The following ARHGAP8 variants were observed in gnomAD, a reference collection of about 807,000 sequenced individuals.
ARHGAP8 encodes rho GTPase-activating protein 8.
A neutral mutation model predicts 46.1 loss-of-function variants in ARHGAP8; 62 were observed. The ratio of observed to expected loss-of-function variants is 1.34; its 90% CI spans 1.10 to 1.66. The LOEUF is 1.66. ARHGAP8 is among the 40% of genes most tolerant of loss of function. ARHGAP8 has a pLI of 0.00. For missense variants in ARHGAP8, 923 were observed against 568.4 expected, an observed-to-expected ratio of 1.62 and a Z score of -6.34; for synonymous variants, 375 against 243.1, an observed-to-expected ratio of 1.54 and a Z score of -5.05.
In ARHGAP8 at chr22:44,852,476, CAT is replaced by C. The variant is rs940929116; in HGVS notation, c.877+3419_877+3420del. The stretch of plus-strand genomic sequence containing the variant: ...TTCTTAGATTCCTTCAGCTCAATAA[CAT>C]ATTCAGCATGCCCAGGCTCCATATT... On this transcript the variant is annotated intron_variant, in intron 10 of 11. Coordinates refer to ENST00000356099, the MANE Select transcript of ARHGAP8 (RefSeq NM_181335.3). Among the ~76,000 whole-genome samples the C allele has an allele frequency of 1.1e-4, 16 of 152,286 alleles. No individual in the cohort carries two copies. The East Asian group carries it at 1.5e-3, about 15-fold the overall frequency.
At chr22:44,783,162 G>A (rs1441962732) in intron 1 of ARHGAP8, among the ~76,000 whole-genome samples, 1 of 151,666 alleles carries the variant, frequency 6.6e-6, no homozygotes, top group Non-Finnish European at 1.5e-5. Context: ...GGCTGGTCTC[G>A]AACTCCTGAC....
chr22:44,845,390 C>T (rs1371138298), intron 8 of ARHGAP8, 48 bp downstream of exon 8: 6 of 1,611,646 alleles, frequency 3.7e-6, no homozygotes, highest in African/African-American at 1.3e-5. Flanking sequence ...CTGCTGGGTG[C>T]ACCTCTCTGG....
intron 1 of ARHGAP8, among the ~76,000 whole-genome samples, chr22:44,766,884 G>A (rs558950979): frequency 6.6e-6 from 1 of 152,262 alleles, no homozygotes; most frequent in South Asian, 2.1e-4. Flanking sequence ...CAGATGACAG[G>A]GGCTTTGGGG....
At chr22:44,765,601 C>G (rs1430530097) in intron 1 of ARHGAP8, among the ~76,000 whole-genome samples, 1 of 152,154 alleles carries the variant, frequency 6.6e-6, no homozygotes, top group African/African-American at 2.4e-5. Context: ...CTCCTCCCAT[C>G]ATCAAGCATC....
chr22:44,860,587 C>G (rs988735990), intron 11 of ARHGAP8, among the ~76,000 whole-genome samples: 8 of 151,956 alleles, frequency 5.3e-5, no homozygotes, highest in African/African-American at 1.9e-4. Context: ...CAAATAAGGT[C>G]ACAGTCAGAT....
intron 11 of ARHGAP8, among the ~76,000 whole-genome samples, chr22:44,861,179 C>G (rs114692993): frequency 0.025 from 3,857 of 152,162 alleles, 141 homozygotes; most frequent in African/African-American, 0.08. Flanking sequence ...GTCACATTGG[C>G]CAGGCTGATC....
rs189425310 is a variant in ARHGAP8 at position 44,800,530 on chromosome 22, A to G, written c.80-1547A>G. On this transcript the variant is annotated intron_variant, in intron 2 of 11. Coordinates refer to ENST00000356099, the MANE Select transcript of ARHGAP8 (RefSeq NM_181335.3). Reference sequence around the variant, plus strand: ...CCGCAGCTGTCCATATGTGGGGGGCACCCCTCCCCGCAGCTGTCCATGTGT... The same window carrying G: ...CCGCAGCTGTCCATATGTGGGGGGCGCCCCTCCCCGCAGCTGTCCATGTGT... Among the ~76,000 whole-genome samples, 483 of 118,544 alleles carry G rather than the reference A, an allele frequency of 4.1e-3. 2 individuals are homozygous for G. The highest frequency in any genetic ancestry group is 0.035 in the East Asian group (128 of 3,702). The allele number at this position is 118,544 out of a possible 152,430, so 77.8% of individuals were successfully genotyped here. A position where few individuals can be genotyped will look rare whatever the true frequency, so the allele number is the denominator to read the frequency against.
chr22:44,795,040 CA>C (rs36122461), intron 2 of ARHGAP8, among the ~76,000 whole-genome samples: 202 of 111,774 alleles, frequency 1.8e-3, no homozygotes, highest in Middle Eastern at 9.5e-3. Context: ...AACTCTGTCT[CA>C]AAAAAAAAAA....
At chr22:44,776,882 C>A (rs571394423) in intron 1 of ARHGAP8, among the ~76,000 whole-genome samples, 2 of 152,082 alleles carry the variant, frequency 1.3e-5, no homozygotes, top group African/African-American at 4.8e-5. Flanking sequence ...CTGTATCCCC[C>A]CTGCCTCAAG....
intron 1 of ARHGAP8, among the ~76,000 whole-genome samples, chr22:44,782,080 A>G (rs1303872230): frequency 1.3e-5 from 2 of 152,084 alleles, no homozygotes; most frequent in East Asian, 3.9e-4. Context: ...CACGCCTATA[A>G]TCCCAGCACT....
At chr22:44,800,540 G>T (rs891856389) in intron 2 of ARHGAP8, among the ~76,000 whole-genome samples, 1 of 149,478 alleles carries the variant, frequency 6.7e-6, no homozygotes, top group African/African-American at 2.5e-5. Context: ...ACCCCTCCCC[G>T]CAGCTGTCCA....
intron 10 of ARHGAP8, among the ~76,000 whole-genome samples, chr22:44,859,182 T>G (rs1310885889): frequency 1.3e-5 from 2 of 152,054 alleles, no homozygotes; most frequent in Non-Finnish European, 2.9e-5. Context: ...AGAATTCAGG[T>G]GATGATAGGG....
At chr22:44,861,213 C>G (rs997843244) in intron 11 of ARHGAP8, among the ~76,000 whole-genome samples, 9 of 152,242 alleles carry the variant, frequency 5.9e-5, no homozygotes, top group South Asian at 2.1e-4. Flanking sequence ...CTCAGGTGAT[C>G]CACCTGCCTC....
chr22:44,785,423 C>T (rs1215967062), intron 1 of ARHGAP8, among the ~76,000 whole-genome samples: 1 of 152,072 alleles, frequency 6.6e-6, no homozygotes, highest in African/African-American at 2.4e-5. Flanking sequence ...TTTTTTGCAT[C>T]TTCTGGTGGT....
chr22:44,754,015 G>A (rs1569128123), intron 1 of ARHGAP8, among the ~76,000 whole-genome samples: 1 of 152,218 alleles, frequency 6.6e-6, no homozygotes, highest in African/African-American at 2.4e-5. Context: ...CAACGCCAGA[G>A]TTGGGGGTAG....
At chr22:44,819,160 C>T (rs1433035591) in intron 5 of ARHGAP8, among the ~76,000 whole-genome samples, 1 of 152,194 alleles carries the variant, frequency 6.6e-6, no homozygotes, top group Non-Finnish European at 1.5e-5. Context: ...CCTCGAACTC[C>T]TGGACTCAGG....
chr22:44,786,175 G>T, intron 1 of ARHGAP8: 1 of 543,640 alleles, frequency 1.8e-6, no homozygotes, highest in Non-Finnish European at 3.3e-6. Context: ...GTGCATAATG[G>T]GTGCTCGGCT....
intron 7 of ARHGAP8, among the ~76,000 whole-genome samples, chr22:44,840,899 C>G (rs1416097684): frequency 6.6e-6 from 1 of 152,190 alleles, no homozygotes; most frequent in South Asian, 2.1e-4. Context: ...TGAGCCAGGC[C>G]TTTGGGGAGG....
chr22:44,825,643 C>A (rs1398971048), intron 7 of ARHGAP8, 50 bp downstream of exon 7: 1 of 1,560,458 alleles, frequency 6.4e-7, no homozygotes, highest in Non-Finnish European at 8.7e-7. Context: ...GCCCTGGGAG[C>A]TGTGGGGCGC....
Sources: gnomAD v4.1 joint callset for allele counts (sites outside exome capture counted in the v4.1 genomes callset) on GRCh38, gnomAD v4.1.1 for gene constraint, MANE v1.5 for transcripts, NCBI Gene and HGNC (gene_info 2026-07-23, HGNC 2026-07-21) for gene names.